Variants in TENM1 observed in about 807,000 individuals in gnomAD.
TENM1 encodes the protein teneurin transmembrane protein 1.
A neutral mutation model predicts 174.8 loss-of-function variants in TENM1; 35 were observed. The observed-to-expected ratio is 0.20, with a 90% CI of 0.15 to 0.27. TENM1 has a LOEUF of 0.27. Among genes scored for constraint, TENM1 ranks in the 10% least tolerant of loss-of-function variants. The pLI, the probability that TENM1 is intolerant of heterozygous loss-of-function variation, is 1.00. For missense variants in TENM1, 1,633 were observed against 2,130.1 expected (o/e 0.77, Z 4.59); for synonymous variants, 781 against 798.7 (o/e 0.98, Z 0.37).
chrX:125,170,694 C>T, the TENM1 span, among the ~76,000 whole-genome samples: 1 of 111,145 alleles, frequency 9.0e-6, no homozygotes, highest in Non-Finnish European at 1.9e-5. Context: ...TTAGAAAATG[C>T]TCAAGGGTGT....
chrX:124,584,532 G>A (rs1353337977), intron 11 of TENM1, among the ~76,000 whole-genome samples: 1 of 111,184 alleles, frequency 9.0e-6, no homozygotes, highest in Admixed American at 9.6e-5. Flanking sequence ...GCTCCTGAAG[G>A]AAGCACTAAA....
chrX:124,587,138 C>T (rs1291618001), intron 11 of TENM1, among the ~76,000 whole-genome samples: 1 of 108,780 alleles, frequency 9.2e-6, no homozygotes, highest in Non-Finnish European at 1.9e-5. Context: ...GATTCAATGC[C>T]ATCCCCATCA....
At chrX:125,158,075 A>C in the TENM1 span, among the ~76,000 whole-genome samples, 436 of 110,987 alleles carry the variant, frequency 3.9e-3, no homozygotes, top group Non-Finnish European at 6.3e-3. Context: ...GTTCTTACCT[A>C]CATCCTGACA....
rs188140669 is a variant in TENM1, at chrX:124,712,777, C to T, written c.777-7526G>A. Among the ~76,000 whole-genome samples, 831 of 111,924 alleles carry T rather than the reference C, an allele frequency of 7.4e-3. 6 individuals carry two copies. The highest frequency in any genetic ancestry group is 0.026 in the African/African-American group (791 of 30,793). On this transcript the variant is annotated intron_variant, in intron 4 of 31. Transcript: ENST00000422452. ...GATGACAGGCGTGAGACACCGCACC[C>T]GCCCTTGAACATCTTTTCATATGCT...
chrX:125,052,030 C>T, the TENM1 span, among the ~76,000 whole-genome samples: 8 of 111,050 alleles, frequency 7.2e-5, no homozygotes, highest in East Asian at 2.9e-4. Flanking sequence ...AAAAAGTGGG[C>T]GAAGGATATG....
the TENM1 span, among the ~76,000 whole-genome samples, chrX:125,079,634 G>A: frequency 8.9e-6 from 1 of 111,816 alleles, no homozygotes; most frequent in East Asian, 2.8e-4. Context: ...TGTGGGAACA[G>A]TTTCTTGACT....
At chrX:124,489,175 G>A (rs2047014069) in intron 20 of TENM1, among the ~76,000 whole-genome samples, 1 of 112,552 alleles carries the variant, frequency 8.9e-6, no homozygotes, top group African/African-American at 3.2e-5. Flanking sequence ...GGGCCCATCC[G>A]TGGGCACCAC....
chrX:125,103,338 C>A, the TENM1 span, among the ~76,000 whole-genome samples: 2 of 111,115 alleles, frequency 1.8e-5, no homozygotes, highest in Admixed American at 1.9e-4. Context: ...AAAAGCTGTG[C>A]ACATATCTTG....
intron 3 of TENM1, among the ~76,000 whole-genome samples, chrX:124,864,028 A>C (rs1005828650): frequency 8.0e-5 from 9 of 112,575 alleles, no homozygotes; most frequent in African/African-American, 2.3e-4. Context: ...ACGAGTCTGC[A>C]AGAACCACAG....
intron 15 of TENM1, among the ~76,000 whole-genome samples, chrX:124,537,794 T>G (rs2148092104): frequency 8.9e-6 from 1 of 111,995 alleles, no homozygotes; most frequent in East Asian, 2.8e-4. Context: ...TATGACTGAG[T>G]AGTAGGTAAT....
intron 4 of TENM1, among the ~76,000 whole-genome samples, chrX:124,718,807 G>A (rs2053244371): frequency 8.9e-6 from 1 of 111,958 alleles, no homozygotes; most frequent in South Asian, 3.8e-4. Context: ...GGACTAAGTT[G>A]GGAAACATCG....
the TENM1 span, among the ~76,000 whole-genome samples, chrX:125,048,437 T>G: frequency 4.6e-5 from 5 of 109,831 alleles, no homozygotes; most frequent in Admixed American, 9.8e-5. Flanking sequence ...TCCAAGCAAT[T>G]TTTAAAGGGA....
In TENM1 at chrX:124,471,298, T is replaced by TTATATATAGTACTATA. The variant is rs1249931667; in HGVS notation, c.3949+10433_3949+10434insTATAGTACTATATATA. Among the ~76,000 whole-genome samples, 3 of 24,668 alleles carry TTATATATAGTACTATA rather than the reference T, an allele frequency of 1.2e-4. 1 individual carries two copies. The highest frequency in any genetic ancestry group is 5.8e-4 in the African/African-American group (3 of 5,190). 21.4% of individuals were successfully genotyped at this position (24,668 alleles called of 115,157 possible). On this transcript the variant is annotated intron_variant, in intron 22 of 31. Transcript: ENST00000422452. Reference sequence around the variant, plus strand: ...TATATATAATATATAGTACTATATATTATAATATATAGTACTATATATTAT... The same window carrying TTATATATAGTACTATA: ...TATATATAATATATAGTACTATATATTATATATAGTACTATATATAATATATAGTACTATATATTAT...
At chrX:124,509,520 G>A (rs911285847) in intron 18 of TENM1, among the ~76,000 whole-genome samples, 3 of 110,598 alleles carry the variant, frequency 2.7e-5, no homozygotes, top group Non-Finnish European at 5.7e-5. Flanking sequence ...CAATGTGACC[G>A]ACTAAAAGGG....
chrX:124,890,310 A>T (rs975721475), intron 3 of TENM1, among the ~76,000 whole-genome samples: 1 of 111,603 alleles, frequency 9.0e-6, no homozygotes, highest in East Asian at 2.8e-4. Flanking sequence ...TGTGTAGCCA[A>T]ATGTAACTGC....
intron 3 of TENM1, among the ~76,000 whole-genome samples, chrX:124,761,075 G>A (rs1024175081): frequency 9.0e-6 from 1 of 111,688 alleles, no homozygotes; most frequent in African/African-American, 3.3e-5. Flanking sequence ...GGAGAAATAG[G>A]AATGCTTTTT....
At chrX:124,566,101 A>G (rs1475033485) in intron 11 of TENM1, among the ~76,000 whole-genome samples, 3 of 111,653 alleles carry the variant, frequency 2.7e-5, no homozygotes, top group South Asian at 3.7e-4. Flanking sequence ...TCACTGGGGG[A>G]AAAATCCCAA....
intron 22 of TENM1, among the ~76,000 whole-genome samples, chrX:124,473,033 C>T (rs2061352497): frequency 8.9e-6 from 1 of 111,821 alleles, no homozygotes; most frequent in Admixed American, 9.5e-5. Context: ...TACATTAAAA[C>T]ATCTTACCCT....
At position 124,421,427 on chromosome X, in the gene TENM1, C is replaced by G. The variant is rs765454021; in HGVS notation, c.4472-606G>C. Among the ~76,000 whole-genome samples the G allele has an allele frequency of 2.7e-5, 3 of 111,927 alleles. No homozygotes were observed. In the South Asian group the frequency reaches 1.1e-3, roughly 42 times the overall value. On this transcript the variant is annotated intron_variant, in intron 24 of 31. Coordinates refer to ENST00000422452, the Ensembl canonical transcript of TENM1. ...CAAAAGTCATATTGACCAAATTGCT[C>G]ACTCCTGACTCCTCTGGCCTAAGGA...
Sources: gnomAD v4.1 joint callset for allele counts (sites outside exome capture counted in the v4.1 genomes callset) on GRCh38, gnomAD v4.1.1 for gene constraint, MANE v1.5 for transcripts, NCBI Gene and HGNC (gene_info 2026-07-23, HGNC 2026-07-21) for gene names.